Variants in FMNL2 observed in about 807,000 individuals in gnomAD.
The protein encoded by FMNL2 is formin like 2.
Under a neutral mutation model 130.2 loss-of-function variants are expected in FMNL2, and 51 were observed. The observed-to-expected ratio is 0.39, with a 90% confidence interval of 0.31 to 0.49. The LOEUF is 0.49. Ranked by LOEUF, FMNL2 falls within the 20% of genes least tolerant of loss-of-function variation. The probability of loss-of-function intolerance (pLI) is 0.85; values close to 1 mark genes in which losing one functional copy is unlikely to be tolerated. For missense variants in FMNL2, 977 were observed against 1,316.2 expected (o/e 0.74, Z 3.99); for synonymous variants, 465 against 467.1 (o/e 1.00, Z 0.06).
At chr2:152,541,854 G>A (rs1446400413) in intron 2 of FMNL2, among the ~76,000 whole-genome samples, 1 of 151,958 alleles carries the variant, frequency 6.6e-6, no homozygotes, top group Non-Finnish European at 1.5e-5. Context: ...GTATACCATT[G>A]TATGAACGTA....
In FMNL2 at chr2:152,335,287, G is replaced by T. The variant is rs540704106; in HGVS notation, c.-317G>T. 2.1e-3 allele frequency: 350 copies of T among 169,426 alleles called. 2 individuals carry two copies. Among genetic ancestry groups the T allele is most frequent in the Admixed American group, 3.8e-3 (59 of 15,674 alleles). 10.5% of individuals were successfully genotyped at this position (169,426 alleles called of 1,614,324 possible). ...GAGTAGGAGGGACCACGCGCCGGGG[G>T]CCGCGATCTCTGGCAGGGGGCGGTG... On this transcript the variant is annotated 5_prime_UTR_variant, in exon 1 of 26. Coordinates refer to ENST00000288670, the MANE Select transcript of FMNL2 (RefSeq NM_052905.4).
At chr2:152,349,999 A>G (rs1383149455) in intron 1 of FMNL2, among the ~76,000 whole-genome samples, 1 of 152,190 alleles carries the variant, frequency 6.6e-6, no homozygotes, top group Admixed American at 6.5e-5. Flanking sequence ...CAAGGAATTT[A>G]CATTTTAATG....
chr2:152,640,689 C>A, intron 24 of FMNL2, 102 bp from the exon 25 acceptor site: 6 of 1,422,912 alleles, frequency 4.2e-6, no homozygotes, highest in Non-Finnish European at 4.7e-6. Flanking sequence ...TGTTTTTGGC[C>A]GAAGCTGCTT....
At chr2:152,458,311 A>C (rs943570741) in intron 1 of FMNL2, among the ~76,000 whole-genome samples, 1 of 152,172 alleles carries the variant, frequency 6.6e-6, no homozygotes, top group Non-Finnish European at 1.5e-5. Context: ...CTTGGCACTC[A>C]GAGAACTCCA....
At chr2:152,600,766 A>G (rs901280378) in intron 9 of FMNL2, among the ~76,000 whole-genome samples, 1 of 151,246 alleles carries the variant, frequency 6.6e-6, no homozygotes, top group Non-Finnish European at 1.5e-5. Flanking sequence ...CTTTTGCTTC[A>G]ATTCTCCTTT....
chr2:152,578,797 C>T (rs1696616998), intron 7 of FMNL2, 91 bp from the exon 8 acceptor site: 1 of 955,736 alleles, frequency 1.0e-6, no homozygotes, highest in South Asian at 1.5e-5. Context: ...TAGGTAGATA[C>T]TTCGGGTTTT....
chr2:152,591,071 G>A (rs962014167), intron 9 of FMNL2, among the ~76,000 whole-genome samples: 7 of 133,272 alleles, frequency 5.3e-5, no homozygotes, highest in South Asian at 4.9e-4. Context: ...GTGCAGTGGC[G>A]CGATCTCAGC....
At chr2:152,383,410 T>C (rs1049138772) in intron 1 of FMNL2, among the ~76,000 whole-genome samples, 3 of 151,896 alleles carry the variant, frequency 2.0e-5, no homozygotes, top group African/African-American at 7.3e-5. Flanking sequence ...ATGCTAATTG[T>C]CTTCATGTAG....
intron 9 of FMNL2, among the ~76,000 whole-genome samples, chr2:152,595,774 C>G (rs144132298): frequency 2.0e-5 from 3 of 152,052 alleles, no homozygotes; most frequent in African/African-American, 7.2e-5. Context: ...TTCCCATATT[C>G]TTGCTTGAAA....
chr2:152,538,214 C>T, intron 2 of FMNL2, among the ~76,000 whole-genome samples: 1 of 151,960 alleles, frequency 6.6e-6, no homozygotes, highest in South Asian at 2.1e-4. Context: ...TCTAAATTAA[C>T]CAGTTCAGGG....
At chr2:152,630,431 G>A (rs190948436) in intron 20 of FMNL2, among the ~76,000 whole-genome samples, 4 of 152,178 alleles carry the variant, frequency 2.6e-5, no homozygotes, top group Non-Finnish European at 4.4e-5. Context: ...ACTGCTTTTT[G>A]TAAGTACTTT....
chr2:152,600,432 G>A (rs1697990290), intron 9 of FMNL2, among the ~76,000 whole-genome samples: 1 of 152,164 alleles, frequency 6.6e-6, no homozygotes, highest in Non-Finnish European at 1.5e-5. Context: ...TGGTTCCCTG[G>A]GAGCTGTTGC....
In FMNL2 at chr2:152,437,473, C is replaced by G. The variant is rs767828036; in HGVS notation, c.118-84470C>G. 4.6e-5 allele frequency among the ~76,000 whole-genome samples: 7 copies of G among 152,248 alleles called. No individual in the cohort carries two copies. In the East Asian group the frequency reaches 9.6e-4, roughly 21 times the overall value. On this transcript the variant is annotated intron_variant, in intron 1 of 25. Coordinates refer to ENST00000288670, the MANE Select transcript of FMNL2 (RefSeq NM_052905.4). ...GTGGTAGAAGAATAATAATGCACCC[C>G]CCCTGCGGTGAAAAAGATGCTCTAG...
At chr2:152,362,262 A>G (rs1683221464) in intron 1 of FMNL2, among the ~76,000 whole-genome samples, 1 of 152,182 alleles carries the variant, frequency 6.6e-6, no homozygotes, top group South Asian at 2.1e-4. Context: ...CTGAGTCTTG[A>G]CATACATTCT....
intron 1 of FMNL2, among the ~76,000 whole-genome samples, chr2:152,370,158 C>G (rs1683791530): frequency 6.6e-6 from 1 of 151,286 alleles, no homozygotes; most frequent in African/African-American, 2.4e-5. Flanking sequence ...GTGGCTTGAA[C>G]AACAAACTTT....
At chr2:152,617,054 C>CAG in intron 12 of FMNL2, 37 bp from the exon 13 acceptor site, 1 of 1,575,272 alleles carries the variant, frequency 6.3e-7, no homozygotes, top group South Asian at 1.1e-5. Flanking sequence ...TCAAGATGAT[C>CAG]CTGTATTGTG....
chr2:152,587,876 C>G (rs974284445), intron 9 of FMNL2, among the ~76,000 whole-genome samples: 1 of 152,198 alleles, frequency 6.6e-6, no homozygotes. Context: ...GTTGAGGAAG[C>G]AGATAAATAC....
At chr2:152,380,911 A>C (rs1436163038) in intron 1 of FMNL2, among the ~76,000 whole-genome samples, 1 of 152,230 alleles carries the variant, frequency 6.6e-6, no homozygotes, top group Non-Finnish European at 1.5e-5. Context: ...AGTTTATGGC[A>C]GGTGACTTAA....
At chr2:152,478,601 C>T (rs1371512246) in intron 1 of FMNL2, among the ~76,000 whole-genome samples, 1 of 151,986 alleles carries the variant, frequency 6.6e-6, no homozygotes, top group African/African-American at 2.4e-5. Flanking sequence ...TGCAAAACAC[C>T]ATTCAGGTAT....
Sources: gnomAD v4.1 joint callset for allele counts (sites outside exome capture counted in the v4.1 genomes callset) on GRCh38, gnomAD v4.1.1 for gene constraint, MANE v1.5 for transcripts, NCBI Gene and HGNC (gene_info 2026-07-23, HGNC 2026-07-21) for gene names.